INTS4: variants seen among roughly 807,000 people sequenced by gnomAD.
INTS4 encodes integrator complex subunit 4.
INTS4 carries 70 observed loss-of-function variants against 119.5 expected under a neutral mutation model. The observed-to-expected ratio is 0.59, with a 90% confidence interval of 0.48 to 0.71. The LOEUF is 0.71. Among genes scored for constraint, INTS4 ranks in the 30% least tolerant of loss-of-function variants. The pLI is 0.00. For synonymous variants in INTS4, 316 were observed against 419.6 expected (o/e 0.75, Z 3.02); for missense variants, 867 against 1,173.2 (o/e 0.74, Z 3.81).
chr11:77,931,773 A>G (rs769120301), intron 10 of INTS4, among the ~76,000 whole-genome samples: 1 of 152,244 alleles, frequency 6.6e-6, no homozygotes, highest in Non-Finnish European at 1.5e-5. Context: ...TAGAGGCCTC[A>G]GAAATAACAC....
At chr11:77,929,627 C>A (rs1953596861) in intron 10 of INTS4, among the ~76,000 whole-genome samples, 1 of 152,082 alleles carries the variant, frequency 6.6e-6, no homozygotes, top group African/African-American at 2.4e-5. Context: ...GGAATAGGAC[C>A]AATACTCAGG....
At chr11:77,881,552 G>A (rs1951791616) in intron 22 of INTS4, among the ~76,000 whole-genome samples, 1 of 152,224 alleles carries the variant, frequency 6.6e-6, no homozygotes, top group Non-Finnish European at 1.5e-5. Flanking sequence ...CTCCATTTAT[G>A]TATCTGTAAA....
At chr11:77,874,445 C>A (rs1590983586), downstream of INTS4, among the ~76,000 whole-genome samples, 1 of 149,154 alleles carries the variant, frequency 6.7e-6, no homozygotes. Flanking sequence ...TGGGTGTAAT[C>A]ATTCTTCCTA....
At chr11:77,965,591 T>C (rs1319822214) in intron 4 of INTS4, among the ~76,000 whole-genome samples, 1 of 152,252 alleles carries the variant, frequency 6.6e-6, no homozygotes, top group East Asian at 1.9e-4. Context: ...CATGTGTTTT[T>C]CTGTGCTCGG....
chr11:77,957,262 T>G (rs1440688800), intron 7 of INTS4, among the ~76,000 whole-genome samples: 4 of 152,040 alleles, frequency 2.6e-5, no homozygotes, highest in Admixed American at 1.3e-4. Flanking sequence ...AATAAAAGTG[T>G]GTAACCCACC....
intron 13 of INTS4, 91 bp downstream of exon 13, chr11:77,922,265 A>T: frequency 2.1e-5 from 31 of 1,475,262 alleles, no homozygotes; most frequent in Non-Finnish European, 2.8e-5. Context: ...AGCAAAGAAA[A>T]GAAAATTCAG....
intron 15 of INTS4, among the ~76,000 whole-genome samples, chr11:77,912,362 CA>C (rs759233921): frequency 1.3e-3 from 117 of 93,446 alleles, no homozygotes; most frequent in Middle Eastern, 6.3e-3. Flanking sequence ...ACTCCATCTC[CA>C]AAAAAAAAAA....
chr11:77,943,275 T>C (rs1267192594), intron 8 of INTS4, among the ~76,000 whole-genome samples: 3 of 152,176 alleles, frequency 2.0e-5, no homozygotes, highest in Admixed American at 6.5e-5. Context: ...AAATTTTCAA[T>C]GTCACCTAAG....
chr11:77,990,733 C>T (rs550240219), intron 2 of INTS4, among the ~76,000 whole-genome samples: 1 of 151,122 alleles, frequency 6.6e-6, no homozygotes, highest in Non-Finnish European at 1.5e-5. Flanking sequence ...AAGAGGGCCA[C>T]TGCAATTAGA....
chr11:77,879,276 A>C, intron 22 of INTS4, 149 bp from the exon 23 acceptor site: 1 of 798,134 alleles, frequency 1.3e-6, no homozygotes, highest in Non-Finnish European at 1.9e-6. Flanking sequence ...CACCAAACAA[A>C]ACACTGAGCC....
At chr11:77,989,235 C>T (rs573350344) in intron 2 of INTS4, among the ~76,000 whole-genome samples, 36 of 152,220 alleles carry the variant, frequency 2.4e-4, no homozygotes, top group African/African-American at 7.5e-4. Context: ...CACCTGTAAT[C>T]CCAGCACTTT....
chr11:77,908,373 G>A (rs1000612093), intron 15 of INTS4, among the ~76,000 whole-genome samples: 1 of 149,606 alleles, frequency 6.7e-6, no homozygotes. Flanking sequence ...CTGTTGCCCA[G>A]ACTGGAGTAC....
intron 4 of INTS4, chr11:77,963,375 C>CAAAAAA: frequency 5.7e-6 from 1 of 175,762 alleles, no homozygotes; most frequent in African/African-American, 4.4e-5. Flanking sequence ...AAAAAAAAAA[C>CAAAAAA]AAAAAAAACT....
chr11:77,893,701 T>C, intron 19 of INTS4, among the ~76,000 whole-genome samples: 1 of 152,092 alleles, frequency 6.6e-6, no homozygotes, highest in Non-Finnish European at 1.5e-5. Flanking sequence ...GAGACCAGCC[T>C]GGCCAACATG....
At chr11:77,935,915 G>GAAAGAGAGAAAAAAGAAAAA (rs1342245136) in intron 10 of INTS4, among the ~76,000 whole-genome samples, 2 of 134,774 alleles carry the variant, frequency 1.5e-5, no homozygotes, top group Non-Finnish European at 3.2e-5. Flanking sequence ...AAAAAGAAAA[G>GAAAGAGAGAAAAAAGAAAAA]AAGAGGTTTT....
intron 14 of INTS4, among the ~76,000 whole-genome samples, chr11:77,920,890 AT>A: frequency 6.6e-6 from 1 of 150,508 alleles, no homozygotes; most frequent in Non-Finnish European, 1.5e-5. Flanking sequence ...ATAAATATAT[AT>A]ATATAACAAT....
At chr11:77,880,530 G>C (rs1333234466) in intron 22 of INTS4, among the ~76,000 whole-genome samples, 1 of 152,174 alleles carries the variant, frequency 6.6e-6, no homozygotes, top group Non-Finnish European at 1.5e-5. Flanking sequence ...TCTGATACCA[G>C]GCTCCAGATG....
At chr11:77,969,462 C>T (rs956329090) in intron 4 of INTS4, among the ~76,000 whole-genome samples, 1 of 152,092 alleles carries the variant, frequency 6.6e-6, no homozygotes, top group Non-Finnish European at 1.5e-5. Flanking sequence ...CTCATTGCAG[C>T]CTTGACCTCC....
At chr11:77,970,229 T>C (rs979947208) in intron 4 of INTS4, among the ~76,000 whole-genome samples, 1 of 151,836 alleles carries the variant, frequency 6.6e-6, no homozygotes, top group African/African-American at 2.4e-5. Context: ...AAACCCCATC[T>C]CTATTAAAAA....
Sources: allele counts gnomAD v4.1 joint callset (sites outside exome capture counted in the v4.1 genomes callset), GRCh38; gene constraint gnomAD v4.1.1; transcripts MANE v1.5; gene names NCBI Gene and HGNC (gene_info 2026-07-23, HGNC 2026-07-21).